Variants in ABCA13 observed in about 807,000 individuals in gnomAD.
ABCA13 encodes the protein ATP binding cassette subfamily A member 13, also known as ATP-binding cassette sub-family A member 13.
ABCA13 carries 476 observed loss-of-function variants against 478.7 expected under a neutral mutation model. That is an observed-to-expected ratio of 0.99 (90% CI 0.92 to 1.07). ABCA13 has a LOEUF of 1.07. Among genes scored for constraint, ABCA13 ranks in the 50% least tolerant of loss-of-function variants. The pLI is 0.00. For synonymous variants in ABCA13, 2,252 were observed against 2,158.9 expected (o/e 1.04, Z -1.20); for missense variants, 6,060 against 5,910.6 (o/e 1.03, Z -0.83).
At chr7:48,440,562 T>C (rs1338378284) in intron 42 of ABCA13, among the ~76,000 whole-genome samples, 1 of 152,208 alleles carries the variant, frequency 6.6e-6, no homozygotes, top group African/African-American at 2.4e-5. Flanking sequence ...CCTAAAGGTT[T>C]AATTTCTGAG....
chr7:48,345,218 A>G (rs1307331995), intron 29 of ABCA13, among the ~76,000 whole-genome samples: 1 of 152,218 alleles, frequency 6.6e-6, no homozygotes, highest in African/African-American at 2.4e-5. Flanking sequence ...TATGTACAGC[A>G]CGTAATACTT....
chr7:48,494,165 G>C (rs1344778535), intron 48 of ABCA13, among the ~76,000 whole-genome samples: 8 of 152,184 alleles, frequency 5.3e-5, no homozygotes, highest in Admixed American at 5.2e-4. Context: ...GAAGGAGAAG[G>C]GTGGTGCATG....
chr7:48,508,127 G>A (rs533213049), intron 50 of ABCA13, 78 bp downstream of exon 50: 3 of 1,582,632 alleles, frequency 1.9e-6, no homozygotes, highest in African/African-American at 2.7e-5. Context: ...ATGGAGGGGG[G>A]CATTGGGGCC....
intron 15 of ABCA13, among the ~76,000 whole-genome samples, chr7:48,263,805 G>A (rs1794511890): frequency 6.6e-6 from 1 of 151,724 alleles, no homozygotes. Flanking sequence ...ATATTTATGA[G>A]TAACATGAGA....
rs752968940 is a variant in ABCA13 at position 48,275,479 on chromosome 7, G to A, written c.5813G>A (p.Ser1938Asn). ...VPPSINQTRD[S>N]ISELCPSGSI... ...CCTTCAATAAATCAAACTAGGGATA[G>A]CATCTCTGAACTCTGTCCTAGTGGT... Residue 1938 changes from serine (S) to asparagine (N), a missense_variant, in exon 17 of 62, where the codon AGC becomes AAC. Around this residue, in one of 3 missense-constraint regions of ABCA13, gnomAD observed 4,423 missense variants for 4,309.1 expected, o/e 1.03. Coordinates refer to ENST00000435803, the MANE Select transcript of ABCA13 (RefSeq NM_152701.5). 2.5e-6 allele frequency: 4 copies of A among 1,613,840 alleles called. No individual in the cohort carries two copies. Among genetic ancestry groups the A allele is most frequent in the East Asian group, 2.2e-5 (1 of 44,860 alleles).
At chr7:48,338,579 G>C (rs994713912) in intron 29 of ABCA13, 124 bp downstream of exon 29, 3 of 603,004 alleles carry the variant, frequency 5.0e-6, no homozygotes, top group Non-Finnish European at 8.2e-6. Context: ...TCCTCTCTCA[G>C]TTTCTATTTT....
At chr7:48,353,612 C>T (rs1809405815) in intron 31 of ABCA13, among the ~76,000 whole-genome samples, 1 of 151,534 alleles carries the variant, frequency 6.6e-6, no homozygotes, top group African/African-American at 2.4e-5. Flanking sequence ...GACTGGGCGA[C>T]ACACACGTGA....
At chr7:48,507,756 T>C in intron 49 of ABCA13, 116 bp from the exon 50 acceptor site, 2 of 1,238,556 alleles carry the variant, frequency 1.6e-6, no homozygotes, top group Non-Finnish European at 2.2e-6. Flanking sequence ...CATGCCTGGC[T>C]GATTATGAAT....
intron 51 of ABCA13, among the ~76,000 whole-genome samples, chr7:48,515,177 C>G (rs1437162691): frequency 1.3e-5 from 2 of 152,128 alleles, no homozygotes; most frequent in African/African-American, 4.8e-5. Flanking sequence ...TGAAGTGTTT[C>G]AGGTTAATCC....
At chr7:48,598,043 T>C (rs1241987953) in intron 58 of ABCA13, among the ~76,000 whole-genome samples, 1 of 152,208 alleles carries the variant, frequency 6.6e-6, no homozygotes, top group Non-Finnish European at 1.5e-5. Flanking sequence ...TCCACCATTA[T>C]AGTATCAGAT....
intron 15 of ABCA13, among the ~76,000 whole-genome samples, chr7:48,250,978 C>G (rs751348251): frequency 6.6e-6 from 1 of 152,128 alleles, no homozygotes; most frequent in Admixed American, 6.6e-5. Flanking sequence ...ACGACCTTGC[C>G]TTTTCTTATT....
intron 43 of ABCA13, among the ~76,000 whole-genome samples, chr7:48,456,284 G>A (rs1825664972): frequency 6.6e-6 from 1 of 152,204 alleles, no homozygotes; most frequent in Non-Finnish European, 1.5e-5. Flanking sequence ...TAATATGTGT[G>A]TAATTTTTGT....
intron 1 of ABCA13, among the ~76,000 whole-genome samples, chr7:48,176,397 A>G (rs932418911): frequency 1.3e-5 from 2 of 152,126 alleles, no homozygotes; most frequent in Non-Finnish European, 2.9e-5. Flanking sequence ...GGAAACAACA[A>G]AACTACACTG....
chr7:48,590,868 A>T (rs1255962970), intron 57 of ABCA13, among the ~76,000 whole-genome samples: 1 of 152,038 alleles, frequency 6.6e-6, no homozygotes, highest in Non-Finnish European at 1.5e-5. Context: ...CATATATAGG[A>T]TGTAACCCCT....
chr7:48,388,989 T>G lies in ABCA13; in HGVS notation c.11474-51T>G, dbSNP rs960917946. On this transcript the variant is annotated intron_variant, in intron 36 of 61. Transcript: ENST00000435803. The stretch of plus-strand genomic sequence containing the variant: ...GCTGAATTAATAAATATGAGCATTA[T>G]TTTTAGGGCTTTTGAAGTCTTTTCA... 3.2e-6 allele frequency: 5 copies of G among 1,570,452 alleles called. No individual in the cohort carries two copies. The Admixed American group carries it at 5.6e-5, about 18-fold the overall frequency.
At position 48,410,630 on chromosome 7, in the gene ABCA13, C is replaced by T. The variant is rs1353105681; in HGVS notation, c.12181C>T (p.Leu4061=). The stretch of plus-strand genomic sequence containing the variant: ...CAGGTGCTGCGGTCCTCCCTTCTGC[C>T]TGAAGGAGGCATATGGCCAGGGGCT... The part of the protein sequence containing the change: ...RLRCCGPPFC[L]KEAYGQGLRL... Residue 4061 remains leucine (L), a synonymous_variant, in exon 40 of 62, where the codon CTG becomes TTG. Coordinates refer to ENST00000435803, the MANE Select transcript of ABCA13 (RefSeq NM_152701.5). The T allele has an allele frequency of 1.2e-6, 2 of 1,613,922 alleles. No homozygotes were observed. Among genetic ancestry groups the T allele is most frequent in the African/African-American group, 1.3e-5 (1 of 74,948 alleles).
At chr7:48,315,166 G>A (rs1802384208) in intron 26 of ABCA13, among the ~76,000 whole-genome samples, 1 of 152,122 alleles carries the variant, frequency 6.6e-6, no homozygotes, top group Non-Finnish European at 1.5e-5. Flanking sequence ...GAGATGCAAT[G>A]GATATGAGGA....
intron 58 of ABCA13, among the ~76,000 whole-genome samples, chr7:48,612,993 T>G (rs1478435331): frequency 6.6e-6 from 1 of 152,132 alleles, no homozygotes; most frequent in Non-Finnish European, 1.5e-5. Context: ...AGTTTTAAAA[T>G]CAATTTGATT....
intron 27 of ABCA13, among the ~76,000 whole-genome samples, chr7:48,328,977 T>C (rs1804764159): frequency 6.6e-6 from 1 of 152,156 alleles, no homozygotes; most frequent in Non-Finnish European, 1.5e-5. Context: ...GGAATATCTA[T>C]CAATACTACA....
Sources: allele counts gnomAD v4.1 joint callset (sites outside exome capture counted in the v4.1 genomes callset), GRCh38; gene constraint gnomAD v4.1.1; regional missense constraint gnomAD v4.1.1; transcripts MANE v1.5; gene names NCBI Gene and HGNC (gene_info 2026-07-23, HGNC 2026-07-21).